Variants in ARID1A observed in about 807,000 individuals in gnomAD.
ARID1A encodes the protein AT-rich interaction domain 1A.
Under a neutral mutation model 212.6 loss-of-function variants are expected in ARID1A, and 20 were observed. That is an observed-to-expected ratio of 0.09 (90% CI 0.07 to 0.14). The LOEUF is 0.14. Ranked by LOEUF, ARID1A falls within the 10% of genes least tolerant of loss-of-function variation. ARID1A has a pLI of 1.00. For synonymous variants in ARID1A, 1,376 were observed against 1,222.1 expected (o/e 1.13, Z -2.63); for missense variants, 2,587 against 3,059.0 (o/e 0.85, Z 3.64).
intron 19 of ARID1A, among the ~76,000 whole-genome samples, chr1:26,777,160 G>T (rs1374978352): frequency 6.6e-6 from 1 of 152,096 alleles, no homozygotes; most frequent in African/African-American, 2.4e-5. Context: ...AAACTCCTGG[G>T]CTCAAGCGAT....
At position 26,704,828 on chromosome 1, in the gene ARID1A, C is replaced by T. The variant is rs572632168; in HGVS notation, c.1137+7288C>T. On this transcript the variant is annotated intron_variant, in intron 1 of 19. Transcript: ENST00000324856. ...AAGCCATGATTACGCCAGTGCACTC[C>T]AGCCTGGGCAATGGAGCCAAGACCT... 3.8e-4 allele frequency among the ~76,000 whole-genome samples: 57 copies of T among 150,572 alleles called. No homozygotes were observed. In the South Asian group the frequency reaches 0.011, roughly 30 times the overall value.
At chr1:26,745,559 C>T (rs2080828172) in intron 4 of ARID1A, among the ~76,000 whole-genome samples, 2 of 152,136 alleles carry the variant, frequency 1.3e-5, no homozygotes, top group Non-Finnish European at 2.9e-5. Flanking sequence ...AGAATATTTA[C>T]AATACTGACA....
intron 2 of ARID1A, among the ~76,000 whole-genome samples, chr1:26,730,847 T>C (rs947874046): frequency 2.6e-5 from 4 of 152,208 alleles, no homozygotes; most frequent in Admixed American, 2.6e-4. Flanking sequence ...TAGGCCGTGA[T>C]AAAAAGAGTT....
chr1:26,717,304 G>A (rs75497961), intron 1 of ARID1A, among the ~76,000 whole-genome samples: 283 of 152,330 alleles, frequency 1.9e-3, no homozygotes, highest in Non-Finnish European at 3.1e-3. Flanking sequence ...GAAGTATTGT[G>A]TGTGTGCTTT....
At position 26,697,273 on chromosome 1, in the gene ARID1A, C is replaced by T. The variant is rs749647513; in HGVS notation, c.870C>T (p.Thr290=). Residue 290 remains threonine (T), a synonymous_variant, in exon 1 of 20, where the codon ACC becomes ACT. Transcript: ENST00000324856. ...CCGGCGGGGGAACTCCCCAGCCCAC[C>T]GCCACCCCCACCCTCAACCAACTGC... ...SAAGGGTPQP[T]ATPTLNQLLT... is the part of the protein sequence containing the mutation. 5.9e-6 allele frequency: 8 copies of T among 1,367,224 alleles called. No individual in the cohort carries two copies. The highest frequency in any genetic ancestry group is 7.5e-6 in the Non-Finnish European group (8 of 1,067,658). 84.7% of individuals were successfully genotyped at this position (1,367,224 alleles called of 1,614,324 possible).
Position 26,696,932 on chromosome 1 carries a change from C to T in ARID1A, c.529C>T (p.Gln177Ter), listed in dbSNP as rs2124742313. The change falls in exon 1 of 20, where the codon CAA (glutamine) becomes TAA (stop). Residue 177 changes from glutamine to a stop codon, truncating the protein, a stop_gained. Transcript: ENST00000324856. LOFTEE classifies it high-confidence loss of function. The stretch of plus-strand genomic sequence containing the variant: ...CTTCCACCAACAACATGGCGGACAA[C>T]AAAGCCCTGGCCTGGCAGCGCTGCA... ...AVFHQQHGGQ[Q>*]SPGLAALQSG... 6.9e-7 allele frequency: 1 copy of T among 1,439,488 alleles called. No homozygotes were observed. The highest frequency in any genetic ancestry group is 9.1e-7 in the Non-Finnish European group (1 of 1,101,890). The allele number at this position is 1,439,488 out of a possible 1,614,324, so 89.2% of individuals were successfully genotyped here.
At position 26,697,449 on chromosome 1, in the gene ARID1A, C is replaced by A; in HGVS notation, c.1046C>A (p.Ala349Asp). The change falls in exon 1 of 20, where the codon GCC (alanine) becomes GAC (aspartate). Residue 349 changes from alanine (A) to aspartate (D), a missense_variant. This residue lies in a region of ARID1A where 735 missense variants were observed against 590.6 expected (regional missense o/e 1.24). Transcript: ENST00000324856. ...AAAAAAAAAA[A>D]SGGAQQRSHH... Reference sequence around the variant, plus strand: ...GCGGCGGCAGCTGCGGCGGCGGCCGCCTCGGGAGGGGCCCAACAAAGGAGC... The same window carrying A: ...GCGGCGGCAGCTGCGGCGGCGGCCGACTCGGGAGGGGCCCAACAAAGGAGC... 7.3e-7 allele frequency: 1 copy of A among 1,362,774 alleles called. No homozygotes were observed. The highest frequency in any genetic ancestry group is 9.4e-7 in the Non-Finnish European group (1 of 1,068,676). The allele number at this position is 1,362,774 out of a possible 1,614,324, so 84.4% of individuals were successfully genotyped here.
Position 26,761,413 on chromosome 1 carries a change from G to A in ARID1A, c.2191G>A (p.Gly731Ser), listed in dbSNP as rs1439131069. 1 of 1,614,224 alleles carries A rather than the reference G, an allele frequency of 6.2e-7. No homozygotes were observed. Among genetic ancestry groups the A allele is most frequent in the South Asian group, 1.1e-5 (1 of 91,086 alleles). Residue 731 changes from glycine to serine, a missense_variant, in exon 6 of 20, where the codon GGC (glycine) becomes AGC (serine). Physicochemically the swap from Gly to Ser is moderately conservative, Grantham distance 56. Transcript: ENST00000324856. ...CCAGATGCCACCTCGGCCACCCAGT[G>A]GCCAGTCGGACAGCATCATGCATCC... ...GNQMPPRPPSGQSDSIMHPSM... is the reference protein window; with the variant it reads ...GNQMPPRPPSSQSDSIMHPSM...
chr1:26,723,364 T>A (rs960673790), intron 1 of ARID1A, among the ~76,000 whole-genome samples: 6 of 152,136 alleles, frequency 3.9e-5, no homozygotes, highest in Admixed American at 2.6e-4. Flanking sequence ...TGGAACTGGA[T>A]CAACAGCTGT....
chr1:26,696,220 C>T lies in ARID1A; in HGVS notation c.-184C>T, dbSNP rs1412412997. 2.3e-6 allele frequency: 2 copies of T among 858,984 alleles called. No individual in the cohort carries two copies. Among genetic ancestry groups the T allele is most frequent in the African/African-American group, 1.8e-5 (1 of 55,190 alleles). The allele number at this position is 858,984 out of a possible 1,614,324, so 53.2% of individuals were successfully genotyped here. A position where few individuals can be genotyped will look rare whatever the true frequency, so the allele number is the denominator to read the frequency against. ...CCTCCTCCTCCTCCGCCGCCGCCAG[C>T]CCGGAGCCTGAGCCGGCGGGGCGGG... On this transcript the variant is annotated 5_prime_UTR_variant, in exon 1 of 20. Transcript: ENST00000324856.
intron 4 of ARID1A, among the ~76,000 whole-genome samples, chr1:26,757,403 G>A (rs2080950342): frequency 6.6e-6 from 1 of 150,538 alleles, no homozygotes; most frequent in South Asian, 2.1e-4. Context: ...CCAGGAGGCG[G>A]AAGTCACAGT....
intron 4 of ARID1A, among the ~76,000 whole-genome samples, chr1:26,744,099 C>T (rs1322558804): frequency 6.6e-6 from 1 of 152,020 alleles, no homozygotes; most frequent in Non-Finnish European, 1.5e-5. Context: ...TCATATCTGC[C>T]CAGACTGCTA....
intron 4 of ARID1A, among the ~76,000 whole-genome samples, chr1:26,757,535 C>A (rs764444119): frequency 2.0e-5 from 3 of 151,914 alleles, no homozygotes; most frequent in Admixed American, 6.6e-5. Context: ...ACAGTGGTTT[C>A]TCTGTTGAGG....
At position 26,777,133 on chromosome 1, in the gene ARID1A, T is replaced by C. The variant is rs2081143890; in HGVS notation, c.5124+1426T>C. ...AGGCTGGAGTGTAGTAGTGCCCTCA[T>C]GGCTCACTGCAGCCTCAAACTCCTG... On this transcript the variant is annotated intron_variant, in intron 19 of 19. Coordinates refer to ENST00000324856, the MANE Select transcript of ARID1A (RefSeq NM_006015.6). Among the ~76,000 whole-genome samples, 3 of 152,158 alleles carry C rather than the reference T, an allele frequency of 2.0e-5. No individual in the cohort carries two copies. The East Asian group carries it at 5.8e-4, about 29-fold the overall frequency.
intron 1 of ARID1A, among the ~76,000 whole-genome samples, chr1:26,724,764 C>T (rs1023662277): frequency 2.0e-5 from 3 of 152,118 alleles, no homozygotes; most frequent in Non-Finnish European, 4.4e-5. Context: ...ATTCTATTGG[C>T]TTGGAGCAGG....
chr1:26,697,410 G>A lies in ARID1A; in HGVS notation c.1007G>A (p.Cys336Tyr). 1 of 1,351,812 alleles carries A rather than the reference G, an allele frequency of 7.4e-7. No homozygotes were observed. The highest frequency in any genetic ancestry group is 9.4e-7 in the Non-Finnish European group (1 of 1,063,548). 83.7% of individuals were successfully genotyped at this position (1,351,812 alleles called of 1,614,324 possible). Reference protein sequence around the residue: ...GKGPADMASQCWGAAAAAAAA... With the variant: ...GKGPADMASQYWGAAAAAAAA... ...GGCCCGGCGGACATGGCCTCGCAGT[G>A]TTGGGGGGCTGCGGCGGCGGCAGCT... The change falls in exon 1 of 20, where the codon TGT (cysteine) becomes TAT (tyrosine). Residue 336 changes from cysteine to tyrosine, a missense_variant. This residue lies in a region of ARID1A where 735 missense variants were observed against 590.6 expected (regional missense o/e 1.24). Transcript: ENST00000324856.
intron 4 of ARID1A, among the ~76,000 whole-genome samples, chr1:26,752,247 T>C (rs2080891365): frequency 6.6e-6 from 1 of 152,230 alleles, no homozygotes; most frequent in South Asian, 2.1e-4. Flanking sequence ...TGATTCTTTC[T>C]TGGCATTTCA....
At chr1:26,776,016 G>GT (rs1172069551) in intron 19 of ARID1A, 2 of 437,382 alleles carry the variant, frequency 4.6e-6, no homozygotes, top group South Asian at 1.9e-5. Flanking sequence ...AAGAATCTGT[G>GT]TTTTTTTGTT....
chr1:26,762,741 T>G (rs1471214903), intron 7 of ARID1A, among the ~76,000 whole-genome samples: 2 of 152,218 alleles, frequency 1.3e-5, no homozygotes, highest in Non-Finnish European at 1.5e-5. Flanking sequence ...AAGGAAGTTA[T>G]CTTCTTCTGG....
Sources: allele counts gnomAD v4.1 joint callset (sites outside exome capture counted in the v4.1 genomes callset), GRCh38; gene constraint gnomAD v4.1.1; regional missense constraint gnomAD v4.1.1; transcripts MANE v1.5; gene names NCBI Gene and HGNC (gene_info 2026-07-23, HGNC 2026-07-21).